UGT1A8: variants seen among roughly 807,000 people sequenced by gnomAD.
UGT1A8 encodes UDP-glucuronosyltransferase 1A8.
UGT1A8 carries 39 observed loss-of-function variants against 45.3 expected under a neutral mutation model. That is an observed-to-expected ratio of 0.86 (90% CI 0.67 to 1.12). The LOEUF is 1.12. Among genes scored for constraint, UGT1A8 ranks in the 50% most tolerant of loss-of-function variants. UGT1A8 has a pLI of 0.00. For missense variants in UGT1A8, 719 were observed against 664.9 expected (o/e 1.08, Z -0.90); for synonymous variants, 275 against 249.2 (o/e 1.10, Z -0.97).
chr2:233,734,094 C>T (rs981980802), intron 1 of UGT1A8, among the ~76,000 whole-genome samples: 3 of 151,762 alleles, frequency 2.0e-5, no homozygotes, highest in African/African-American at 7.3e-5. Flanking sequence ...CACCCTAAAA[C>T]TTAAAGTATA....
At chr2:233,673,738 A>G (rs1251866041) in intron 1 of UGT1A8, among the ~76,000 whole-genome samples, 12 of 152,134 alleles carry the variant, frequency 7.9e-5, no homozygotes, top group Admixed American at 7.9e-4. Flanking sequence ...CCATTTCTAC[A>G]TGTAACTGAC....
Position 233,768,400 on chromosome 2 carries a change from A to T in UGT1A8, c.1256A>T (p.Asp419Val). The change falls in exon 4 of 5, where the codon GAT becomes GTT. Residue 419 changes from aspartate (D) to valine (V), a missense_variant. Transcript: ENST00000373450. ...TLNVLEMTSE[D>V]LENALKAVIN... ...AATGTTCTGGAAATGACTTCTGAAG[A>T]TTTAGAAAATGCTCTAAAAGCAGTC... The T allele has an allele frequency of 6.2e-7, 1 of 1,614,204 alleles. No homozygotes were observed. The highest frequency in any genetic ancestry group is 8.5e-7 in the Non-Finnish European group (1 of 1,180,040).
At chr2:233,755,059 C>G (rs773771831) in intron 1 of UGT1A8, 6 of 1,335,122 alleles carry the variant, frequency 4.5e-6, no homozygotes, top group Admixed American at 3.8e-5. Context: ...TCCGCCCTCG[C>G]CTCGCCATAG....
At chr2:233,740,938 A>C (rs1691513941) in intron 1 of UGT1A8, 1 of 151,466 alleles carries the variant, frequency 6.6e-6, no homozygotes, top group Admixed American at 6.6e-5. Context: ...TTTTTTTTTT[A>C]ATTAGCTAGG....
At chr2:233,651,789 G>A (rs1454508160) in intron 1 of UGT1A8, among the ~76,000 whole-genome samples, 1 of 152,180 alleles carries the variant, frequency 6.6e-6, no homozygotes, top group Non-Finnish European at 1.5e-5. Context: ...GTGCCTGTGT[G>A]TGTCCACGCG....
intron 1 of UGT1A8, among the ~76,000 whole-genome samples, chr2:233,724,368 T>A (rs1161929215): frequency 7.9e-6 from 1 of 127,164 alleles, no homozygotes; most frequent in Non-Finnish European, 1.7e-5. Context: ...CCGGACGGGG[T>A]GGCTGCCGGG....
At chr2:233,619,898 A>G (rs938874386) in intron 1 of UGT1A8, among the ~76,000 whole-genome samples, 3 of 152,166 alleles carry the variant, frequency 2.0e-5, no homozygotes, top group Admixed American at 1.3e-4. Flanking sequence ...ATTGAGTAAT[A>G]TTGTTAGAGT....
At position 233,730,325 on chromosome 2, in the gene UGT1A8, C is replaced by A. The variant is rs532901219; in HGVS notation, c.856-36709C>A. On this transcript the variant is annotated intron_variant, in intron 1 of 4. Transcript: ENST00000373450. ...CTTCAGCTTGGCAGGAACAGGGACA[C>A]TACGTTTGGAACTGATCCATCCTGG... 4.6e-5 allele frequency among the ~76,000 whole-genome samples: 7 copies of A among 152,252 alleles called. No individual in the cohort carries two copies. In the South Asian group the frequency reaches 1.2e-3, roughly 27 times the overall value.
At chr2:233,757,283 G>A (rs1259796690) in intron 1 of UGT1A8, among the ~76,000 whole-genome samples, 1 of 145,382 alleles carries the variant, frequency 6.9e-6, no homozygotes, top group African/African-American at 2.6e-5. Context: ...TGATTCAGAA[G>A]GGACAGCTGG....
At chr2:233,713,658 C>G (rs376312935) in intron 1 of UGT1A8, 4 of 1,613,836 alleles carry the variant, frequency 2.5e-6, no homozygotes, top group Non-Finnish European at 2.5e-6. Context: ...CCTGTCCTAC[C>G]TTTGCCATGC....
intron 1 of UGT1A8, chr2:233,719,395 C>A (rs770164749): frequency 4.0e-5 from 64 of 1,613,854 alleles, no homozygotes; most frequent in Non-Finnish European, 5.2e-5. Context: ...AATCCTTCCT[C>A]CTATATTCCT....
intron 1 of UGT1A8, among the ~76,000 whole-genome samples, chr2:233,678,869 C>CT (rs1288960763): frequency 6.6e-6 from 1 of 152,172 alleles, no homozygotes. Flanking sequence ...TCCATAATCC[C>CT]TTCATGACTT....
chr2:233,649,967 TTTTG>T (rs1054764487), intron 1 of UGT1A8, among the ~76,000 whole-genome samples: 63 of 152,190 alleles, frequency 4.1e-4, no homozygotes, highest in Non-Finnish European at 5.6e-4. Context: ...CTTCAAGGTT[TTTTG>T]TTTGTTTGTT....
At chr2:233,699,728 C>T (rs1338916354) in intron 1 of UGT1A8, among the ~76,000 whole-genome samples, 1 of 152,204 alleles carries the variant, frequency 6.6e-6, no homozygotes, top group Non-Finnish European at 1.5e-5. Context: ...TTTTACGGAG[C>T]GTTTTCCCAG....
chr2:233,744,229 G>C (rs1245532493), intron 1 of UGT1A8, among the ~76,000 whole-genome samples: 2 of 151,826 alleles, frequency 1.3e-5, no homozygotes, highest in Non-Finnish European at 2.9e-5. Flanking sequence ...AAAAGAGAGG[G>C]CCTTGACTTT....
intron 1 of UGT1A8, among the ~76,000 whole-genome samples, chr2:233,745,573 G>T (rs1271557146): frequency 6.6e-6 from 1 of 151,620 alleles, no homozygotes; most frequent in African/African-American, 2.4e-5. Flanking sequence ...AGCCTCTAGT[G>T]ACATAACCTG....
Position 233,768,357 on chromosome 2 carries a change from G to A in UGT1A8, c.1213G>A (p.Gly405Arg). Residue 405 changes from glycine (G) to arginine (R), a missense_variant, in exon 4 of 5, where the codon GGA becomes AGA. By Grantham distance (125) the Gly-to-Arg change is moderately radical. Transcript: ENST00000373450. ...CAATGCAAAGCGCATGGAGACTAAG[G>A]GAGCTGGAGTGACCCTGAATGTTCT... ...MDNAKRMETK[G>R]AGVTLNVLEM... 6 of 1,614,142 alleles carry A rather than the reference G, an allele frequency of 3.7e-6. No homozygotes were observed. The highest frequency in any genetic ancestry group is 5.1e-6 in the Non-Finnish European group (6 of 1,180,032).
intron 1 of UGT1A8, among the ~76,000 whole-genome samples, chr2:233,745,959 A>G (rs923729881): frequency 6.6e-6 from 1 of 151,676 alleles, no homozygotes; most frequent in African/African-American, 2.4e-5. Flanking sequence ...ACTGGGGGAC[A>G]GGGGCCCTGA....
At chr2:233,627,539 C>T (rs927370644) in intron 1 of UGT1A8, among the ~76,000 whole-genome samples, 46 of 151,984 alleles carry the variant, frequency 3.0e-4, no homozygotes, top group African/African-American at 9.4e-4. Context: ...GAGACAAAAA[C>T]GTATTTCAGA....
Sources: gnomAD v4.1 joint callset for allele counts (sites outside exome capture counted in the v4.1 genomes callset) on GRCh38, gnomAD v4.1.1 for gene constraint, MANE v1.5 for transcripts, NCBI Gene and HGNC (gene_info 2026-07-23, HGNC 2026-07-21) for gene names.